Variants in GRM8 observed in about 807,000 individuals in gnomAD.
GRM8 encodes the protein glutamate metabotropic receptor 8.
In GRM8, 47 loss-of-function variants were observed where a neutral mutation model predicts 87.2. The observed-to-expected ratio is 0.54, with a 90% CI of 0.43 to 0.69. GRM8 has a LOEUF of 0.69. Among genes scored for constraint, GRM8 ranks in the 30% least tolerant of loss-of-function variants. The pLI is 0.00. For synonymous variants in GRM8, 396 were observed against 404.5 expected, an observed-to-expected ratio of 0.98 and a Z score of 0.25; for missense variants, 1,019 against 1,139.2, an observed-to-expected ratio of 0.89 and a Z score of 1.52.
rs191057660 is a variant in GRM8 at position 126,763,372 on chromosome 7, G to A, written c.1357+6493C>T. Among the ~76,000 whole-genome samples the A allele has an allele frequency of 2.7e-5, 4 of 146,910 alleles. No homozygotes were observed. In the Admixed American group the frequency reaches 2.7e-4, roughly 10 times the overall value. On this transcript the variant is annotated intron_variant, in intron 7 of 10. Coordinates refer to ENST00000339582, the MANE Select transcript of GRM8 (RefSeq NM_000845.3). ...AAAAATCATCTCAGTTGAATCTACT[G>A]TAAACTCTTAATCAATAAAATGTTA...
intron 7 of GRM8, among the ~76,000 whole-genome samples, chr7:126,705,447 A>AT (rs1424215253): frequency 6.6e-6 from 1 of 152,090 alleles, no homozygotes; most frequent in African/African-American, 2.4e-5. Flanking sequence ...CTAAACAAAC[A>AT]TTTTATCTCC....
At chr7:127,106,762 T>C (rs17865417) in intron 2 of GRM8, 50 bp from the exon 3 acceptor site, 9 of 1,311,538 alleles carry the variant, frequency 6.9e-6, no homozygotes, top group Non-Finnish European at 5.5e-6. Context: ...TCTTGAAGAA[T>C]GATGGATTGT....
At chr7:126,875,741 C>T (rs1413918215) in intron 6 of GRM8, among the ~76,000 whole-genome samples, 1 of 151,894 alleles carries the variant, frequency 6.6e-6, no homozygotes, top group East Asian at 1.9e-4. Flanking sequence ...GGTCAGACAC[C>T]ATCACTTCTC....
chr7:127,115,740 T>C (rs1374455942), intron 2 of GRM8, among the ~76,000 whole-genome samples: 1 of 152,184 alleles, frequency 6.6e-6, no homozygotes, highest in African/African-American at 2.4e-5. Flanking sequence ...ATCCATCAAG[T>C]CACTAGTAGT....
chr7:127,028,649 A>G (rs1170307020), intron 3 of GRM8, among the ~76,000 whole-genome samples: 1 of 152,114 alleles, frequency 6.6e-6, no homozygotes, highest in Non-Finnish European at 1.5e-5. Context: ...CTCTGATGAT[A>G]GTTTGTATTT....
intron 2 of GRM8, among the ~76,000 whole-genome samples, chr7:127,232,814 A>C (rs963927824): frequency 1.3e-5 from 2 of 152,100 alleles, no homozygotes; most frequent in Non-Finnish European, 2.9e-5. Context: ...CTTATGAAAA[A>C]GGTACTATTA....
chr7:126,610,973 C>G (rs1048670988), intron 7 of GRM8, among the ~76,000 whole-genome samples: 1 of 152,206 alleles, frequency 6.6e-6, no homozygotes, highest in Non-Finnish European at 1.5e-5. Context: ...CATTGATTTC[C>G]ACAACTTGTG....
chr7:127,162,450 C>T (rs1052515413), intron 2 of GRM8, among the ~76,000 whole-genome samples: 2 of 152,162 alleles, frequency 1.3e-5, no homozygotes, highest in Admixed American at 6.5e-5. Context: ...AGATCCCAGG[C>T]CTTTTTCTTC....
rs1406993119 is a variant in GRM8 at position 127,252,795 on chromosome 7, A to C, written c.-312+2T>G. Reference sequence around the variant, plus strand: ...TTTCTGCTGCCGGGCGGCGAGTCTTACCCTGCTCCCCGCAGAGGGCGCGGT... The same window carrying C: ...TTTCTGCTGCCGGGCGGCGAGTCTTCCCCTGCTCCCCGCAGAGGGCGCGGT... On this transcript the variant is annotated splice_donor_variant, in intron 1 of 10. Transcript: ENST00000339582. LOFTEE classifies it low-confidence loss of function (5UTR_SPLICE). This position sits in a 1 kb window ranked among gnomAD's most constrained non-coding sequence, Gnocchi z 4.9. 5.4e-6 allele frequency: 1 copy of C among 184,646 alleles called. No homozygotes were observed. The highest frequency in any genetic ancestry group is 1.7e-4 in the East Asian group (1 of 5,758). The allele number at this position is 184,646 out of a possible 1,614,324, so 11.4% of individuals were successfully genotyped here.
At chr7:126,794,287 G>T (rs2151685139) in intron 6 of GRM8, among the ~76,000 whole-genome samples, 1 of 151,998 alleles carries the variant, frequency 6.6e-6, no homozygotes, top group East Asian at 1.9e-4. Flanking sequence ...CAGCCATTTT[G>T]CTCAGCAGGA....
intron 2 of GRM8, chr7:127,219,320 G>T (rs1356483631): frequency 6.6e-6 from 1 of 152,114 alleles, no homozygotes; most frequent in Non-Finnish European, 1.5e-5. Context: ...ATATAGTAAA[G>T]AACTTTTGTC....
chr7:127,242,890 C>T lies in GRM8; in HGVS notation c.315G>A (p.Thr105=), dbSNP rs764035146. ...NITLGVRILD[T]CSRDTYALEQ... ...CCAAAGCATAGGTGTCCCTAGAGCA[C>T]GTGTCGAGGATGCGGACACCCAGAG... Residue 105 remains threonine, a synonymous_variant, in exon 2 of 11, where the codon ACG becomes ACA. Coordinates refer to ENST00000339582, the MANE Select transcript of GRM8 (RefSeq NM_000845.3). 9.3e-6 allele frequency: 15 copies of T among 1,613,752 alleles called. No individual in the cohort carries two copies. Among genetic ancestry groups the T allele is most frequent in the African/African-American group, 5.3e-5 (4 of 74,880 alleles).
chr7:126,809,466 C>G (rs1793088368), intron 6 of GRM8, among the ~76,000 whole-genome samples: 1 of 152,082 alleles, frequency 6.6e-6, no homozygotes, highest in Non-Finnish European at 1.5e-5. Flanking sequence ...TCCAAACTCC[C>G]CCAATATCCA....
At chr7:126,707,585 G>A (rs1810657195) in intron 7 of GRM8, among the ~76,000 whole-genome samples, 1 of 152,108 alleles carries the variant, frequency 6.6e-6, no homozygotes, top group East Asian at 1.9e-4. Flanking sequence ...ACAGCCCCCT[G>A]ATGGAACTAA....
At chr7:127,060,761 T>C (rs1820524894) in intron 3 of GRM8, among the ~76,000 whole-genome samples, 2 of 152,064 alleles carry the variant, frequency 1.3e-5, no homozygotes, top group Non-Finnish European at 2.9e-5. Flanking sequence ...GTCAGCTGTA[T>C]ATTAATGTAC....
At position 126,974,118 on chromosome 7, in the gene GRM8, A is replaced by G. The variant is rs76381036; in HGVS notation, c.728-69435T>C. ...AAGATATTGAATAAAAATTACTTTT[A>G]GGCTATATGTATACGGTGTAATAAA... On this transcript the variant is annotated intron_variant, in intron 3 of 10. Transcript: ENST00000339582. Among the ~76,000 whole-genome samples the G allele has an allele frequency of 2.3e-3, 351 of 152,342 alleles. 2 individuals are homozygous for G. Among genetic ancestry groups the G allele is most frequent in the Admixed American group, 0.018 (282 of 15,304 alleles).
At chr7:126,666,449 A>G (rs1308190767) in intron 7 of GRM8, among the ~76,000 whole-genome samples, 3 of 152,204 alleles carry the variant, frequency 2.0e-5, no homozygotes, top group African/African-American at 7.2e-5. Context: ...CACAAAAATA[A>G]TAAGAGAAAA....
chr7:127,053,336 C>T (rs1819664775), intron 3 of GRM8, among the ~76,000 whole-genome samples: 1 of 152,142 alleles, frequency 6.6e-6, no homozygotes, highest in African/African-American at 2.4e-5. Context: ...CTAACAAATC[C>T]ATTGATCTGG....
At chr7:127,086,968 C>T (rs1823572946) in intron 3 of GRM8, among the ~76,000 whole-genome samples, 1 of 152,152 alleles carries the variant, frequency 6.6e-6, no homozygotes, top group Non-Finnish European at 1.5e-5. Flanking sequence ...GGCTCGATGC[C>T]AAAAGCTGGG....
Sources: gnomAD v4.1 joint callset for allele counts (sites outside exome capture counted in the v4.1 genomes callset) on GRCh38, gnomAD v4.1.1 for gene constraint, Gnocchi (gnomAD v3.1) non-coding constraint, MANE v1.5 for transcripts, NCBI Gene and HGNC (gene_info 2026-07-23, HGNC 2026-07-21) for gene names.